HMCN1: variants seen among roughly 807,000 people sequenced by gnomAD.
HMCN1 encodes hemicentin 1.
In HMCN1, 321 loss-of-function variants were observed where a neutral mutation model predicts 625.9. The observed-to-expected ratio is 0.51, with a 90% CI of 0.47 to 0.56. The LOEUF (loss-of-function observed/expected upper bound fraction) is 0.56, where lower values mean the gene tolerates loss of function less well. HMCN1 is among the 20% of genes least tolerant of loss of function. The pLI, the probability that HMCN1 is intolerant of heterozygous loss-of-function variation, is 0.00. For synonymous variants in HMCN1, 2,425 were observed against 2,417.6 expected (o/e 1.00, Z -0.09); for missense variants, 6,588 against 6,887.3 (o/e 0.96, Z 1.54).
At chr1:186,072,359 G>A (rs1658528557) in intron 52 of HMCN1, among the ~76,000 whole-genome samples, 1 of 151,952 alleles carries the variant, frequency 6.6e-6, no homozygotes. Context: ...TTTAAATTAT[G>A]CTACTTTTAT....
In HMCN1 at chr1:186,189,761, A is replaced by G. The variant is rs775761538; in HGVS notation, c.16791A>G (p.Leu5597=). Residue 5597 remains leucine, a synonymous_variant, in exon 107 of 107, where the codon CTA becomes CTG. Transcript: ENST00000271588. ...LKGVVYTTRP[L]REAETYRMRV... Reference sequence around the variant, plus strand: ...GAGTGGTGTATACAACACGACCACTACGAGAAGCAGAGACCTACCGCATGA... The same window carrying G: ...GAGTGGTGTATACAACACGACCACTGCGAGAAGCAGAGACCTACCGCATGA... 20 of 1,613,660 alleles carry G rather than the reference A, an allele frequency of 1.2e-5. No individual in the cohort carries two copies. The highest frequency in any genetic ancestry group is 1.7e-5 in the Non-Finnish European group (20 of 1,179,792).
intron 1 of HMCN1, among the ~76,000 whole-genome samples, chr1:185,794,601 ATTTTTTTT>A (rs34098989): frequency 1.5e-4 from 17 of 111,210 alleles, no homozygotes; most frequent in Admixed American, 2.8e-4. Context: ...GTCTTTACAC[ATTTTTTTT>A]TTTTTTTTTT....
chr1:186,024,694 C>T (rs1654947317), intron 36 of HMCN1, among the ~76,000 whole-genome samples: 1 of 152,174 alleles, frequency 6.6e-6, no homozygotes, highest in African/African-American at 2.4e-5. Flanking sequence ...AGGTATAAAA[C>T]ATCTCCCACT....
In HMCN1 at chr1:185,932,693, G is replaced by A. The variant is rs142578851; in HGVS notation, c.1553-856G>A. On this transcript the variant is annotated intron_variant, in intron 10 of 106. Coordinates refer to ENST00000271588, the MANE Select transcript of HMCN1 (RefSeq NM_031935.3). ...ATGAGAACACGTGGACATAGGGAGG[G>A]GAACATCACACACCAGGGCCTGTTG... is the stretch of plus-strand genomic sequence containing the variant. 3.9e-4 allele frequency among the ~76,000 whole-genome samples: 60 copies of A among 152,060 alleles called. No individual in the cohort carries two copies. In the East Asian group the frequency reaches 0.011, roughly 27 times the overall value.
At chr1:186,004,596 A>T (rs1189521979) in intron 29 of HMCN1, among the ~76,000 whole-genome samples, 1 of 152,190 alleles carries the variant, frequency 6.6e-6, no homozygotes, top group Non-Finnish European at 1.5e-5. Context: ...TTTGTTATTT[A>T]CAGCTCATAT....
intron 68 of HMCN1, among the ~76,000 whole-genome samples, chr1:186,101,931 A>G (rs1032452694): frequency 2.6e-5 from 4 of 152,156 alleles, no homozygotes; most frequent in African/African-American, 9.7e-5. Flanking sequence ...TAAATGATTT[A>G]TAGTTTTCAC....
Position 186,189,493 on chromosome 1 carries a change from A to G in HMCN1, c.16542-19A>G. ...ACTTCCAGATAACTATGTGTATTTG[A>G]TATGTTTGTTGTCCTTAGGTTCTGC... On this transcript the variant is annotated intron_variant, in intron 106 of 106. Coordinates refer to ENST00000271588, the MANE Select transcript of HMCN1 (RefSeq NM_031935.3). 1 of 1,612,032 alleles carries G rather than the reference A, an allele frequency of 6.2e-7. No homozygotes were observed. Among genetic ancestry groups the G allele is most frequent in the Non-Finnish European group, 8.5e-7 (1 of 1,179,398 alleles).
intron 11 of HMCN1, among the ~76,000 whole-genome samples, chr1:185,950,750 G>A (rs1164408923): frequency 2.0e-5 from 3 of 151,750 alleles, no homozygotes; most frequent in African/African-American, 7.3e-5. Context: ...GGGATTAAGG[G>A]TGCAAAGGAA....
intron 19 of HMCN1, among the ~76,000 whole-genome samples, chr1:185,986,846 T>A (rs1652028546): frequency 6.7e-6 from 1 of 148,420 alleles, no homozygotes; most frequent in African/African-American, 2.5e-5. Flanking sequence ...AAAAAAAAAT[T>A]AATTAATTAA....
chr1:185,912,446 T>C (rs756428055), intron 6 of HMCN1, among the ~76,000 whole-genome samples: 8 of 152,186 alleles, frequency 5.3e-5, no homozygotes, highest in Non-Finnish European at 7.3e-5. Context: ...GAAAGCATTG[T>C]ATTTTGGCAG....
At chr1:185,805,732 C>A (rs1273719633) in intron 1 of HMCN1, among the ~76,000 whole-genome samples, 2 of 152,144 alleles carry the variant, frequency 1.3e-5, no homozygotes, top group Non-Finnish European at 2.9e-5. Flanking sequence ...CTCTCTACTG[C>A]GTATGTCTAA....
chr1:186,023,277 A>T (rs1290890273), intron 36 of HMCN1, 124 bp downstream of exon 36: 1 of 862,836 alleles, frequency 1.2e-6, no homozygotes, highest in East Asian at 2.7e-5. Flanking sequence ...TCTGTATAAA[A>T]AAAACCTAGG....
intron 93 of HMCN1, 111 bp downstream of exon 93, chr1:186,146,034 A>G (rs1650298817): frequency 8.8e-7 from 1 of 1,130,630 alleles, no homozygotes; most frequent in Non-Finnish European, 1.3e-6. Flanking sequence ...AATTAGAAAA[A>G]AAAAAAAAAG....
At chr1:185,894,914 T>A (rs767471460) in intron 4 of HMCN1, among the ~76,000 whole-genome samples, 8 of 152,188 alleles carry the variant, frequency 5.3e-5, no homozygotes, top group Non-Finnish European at 1.0e-4. Flanking sequence ...TGGCAATATC[T>A]TTCTGTTGAT....
At chr1:185,985,954 A>G (rs1651970978) in intron 19 of HMCN1, among the ~76,000 whole-genome samples, 1 of 152,158 alleles carries the variant, frequency 6.6e-6, no homozygotes, top group Non-Finnish European at 1.5e-5. Context: ...TCCACACCCA[A>G]ATGTCATTAG....
chr1:185,977,888 A>G lies in HMCN1; in HGVS notation c.2473A>G (p.Lys825Glu). 6.2e-7 allele frequency: 1 copy of G among 1,613,380 alleles called. No individual in the cohort carries two copies. The highest frequency in any genetic ancestry group is 1.1e-5 in the South Asian group (1 of 91,072). The change falls in exon 16 of 107, where the codon AAA becomes GAA. Residue 825 changes from lysine to glutamate, a missense_variant. Lys to Glu is a moderately conservative substitution (Grantham distance 56). This residue lies in a region of HMCN1 where 4,628 missense variants were observed against 4,853.1 expected (regional missense o/e 0.95). Transcript: ENST00000271588. Reference sequence around the variant, plus strand: ...TCAGGGTTATCCAGAACCAACAATCAAATGGCGAAGATTAGACAACATGCC... The same window carrying G: ...TCAGGGTTATCCAGAACCAACAATCGAATGGCGAAGATTAGACAACATGCC... ...YVQGYPEPTI[K>E]WRRLDNMPIF...
intron 1 of HMCN1, among the ~76,000 whole-genome samples, chr1:185,755,932 G>C (rs1655106751): frequency 6.6e-6 from 1 of 152,092 alleles, no homozygotes; most frequent in African/African-American, 2.4e-5. Context: ...GCCTAGGCTG[G>C]AGTGCAGTGG....
At chr1:185,951,388 C>T (rs991194463) in intron 11 of HMCN1, among the ~76,000 whole-genome samples, 3 of 151,654 alleles carry the variant, frequency 2.0e-5, no homozygotes, top group Admixed American at 6.6e-5. Context: ...TCAATACCCA[C>T]AACAGTTATG....
intron 1 of HMCN1, among the ~76,000 whole-genome samples, chr1:185,744,632 T>G (rs1654260938): frequency 6.6e-6 from 1 of 152,184 alleles, no homozygotes; most frequent in African/African-American, 2.4e-5. Context: ...TATGCTACCT[T>G]TTATAGCAGA....
Sources: gnomAD v4.1 joint callset for allele counts (sites outside exome capture counted in the v4.1 genomes callset) on GRCh38, gnomAD v4.1.1 for gene constraint, gnomAD v4.1.1 regional missense constraint, MANE v1.5 for transcripts, NCBI Gene and HGNC (gene_info 2026-07-23, HGNC 2026-07-21) for gene names.